PIGN: variants seen among roughly 807,000 people sequenced by gnomAD.
PIGN encodes the protein phosphatidylinositol glycan anchor biosynthesis class N, also known as GPI ethanolamine phosphate transferase 1.
PIGN carries 117 observed loss-of-function variants against 125.4 expected under a neutral mutation model. The ratio of observed to expected loss-of-function variants is 0.93; its 90% CI spans 0.80 to 1.09. The LOEUF is 1.09. Among genes scored for constraint, PIGN ranks in the 50% least tolerant of loss-of-function variants. The pLI, the probability that PIGN is intolerant of heterozygous loss-of-function variation, is 0.00. For missense variants in PIGN, 1,075 were observed against 1,094.9 expected, an observed-to-expected ratio of 0.98 and a Z score of 0.26; for synonymous variants, 392 against 377.8, an observed-to-expected ratio of 1.04 and a Z score of -0.44.
rs574933883 is a variant in PIGN, at chr18:62,083,569, C to T, written c.2503-823G>A. Among the ~76,000 whole-genome samples the T allele has an allele frequency of 2.3e-3, 350 of 152,238 alleles. 5 individuals carry two copies. Among genetic ancestry groups the T allele is most frequent in the South Asian group, 0.011 (55 of 4,830 alleles). Reference sequence around the variant, plus strand: ...TGTATTATGTCATTAAAGCTTACTGCATTGTGCTGGAGATTAAGAACCTAG... The same window carrying T: ...TGTATTATGTCATTAAAGCTTACTGTATTGTGCTGGAGATTAAGAACCTAG... On this transcript the variant is annotated intron_variant, in intron 27 of 30. Coordinates refer to ENST00000640252, the MANE Select transcript of PIGN (RefSeq NM_176787.5).
At chr18:62,132,135 G>A (rs2035762857) in intron 14 of PIGN, among the ~76,000 whole-genome samples, 1 of 152,156 alleles carries the variant, frequency 6.6e-6, no homozygotes, top group East Asian at 1.9e-4. Flanking sequence ...TATGTTTATA[G>A]GCCCACATTT....
chr18:62,071,745 C>A (rs2032859509), intron 30 of PIGN, among the ~76,000 whole-genome samples: 1 of 151,520 alleles, frequency 6.6e-6, no homozygotes, highest in African/African-American at 2.4e-5. Context: ...CTATAAAAGT[C>A]TGGCACACAC....
At chr18:62,110,180 A>G (rs1364833398) in intron 16 of PIGN, 3 of 429,940 alleles carry the variant, frequency 7.0e-6, no homozygotes, top group Non-Finnish European at 1.2e-5. Flanking sequence ...ATAACCTGGA[A>G]TTGCTGCAAT....
At chr18:62,028,129 C>T (rs1395713335) in intron 23 of PIGN, among the ~76,000 whole-genome samples, 1 of 152,186 alleles carries the variant, frequency 6.6e-6, no homozygotes, top group Admixed American at 6.5e-5. Flanking sequence ...CCACTTCCAG[C>T]TCTTTCCCCT....
At chr18:62,078,880 A>G (rs1202635627) in intron 28 of PIGN, among the ~76,000 whole-genome samples, 2 of 152,164 alleles carry the variant, frequency 1.3e-5, no homozygotes, top group Non-Finnish European at 2.9e-5. Context: ...AAGACCCTTA[A>G]TTGATCTCCC....
intron 30 of PIGN, among the ~76,000 whole-genome samples, chr18:62,056,256 G>C (rs1038493344): frequency 1.3e-5 from 2 of 151,540 alleles, no homozygotes; most frequent in African/African-American, 4.8e-5. Context: ...TGTAATACGG[G>C]CATTAGAATC....
intron 16 of PIGN, among the ~76,000 whole-genome samples, chr18:62,110,679 G>A (rs984637129): frequency 3.3e-5 from 5 of 151,968 alleles, no homozygotes; most frequent in African/African-American, 9.7e-5. Context: ...TCCTGCTGGC[G>A]AGTTCAGTCT....
At chr18:62,143,383 G>C in intron 10 of PIGN, 37 bp from the exon 11 acceptor site, 1 of 1,304,674 alleles carries the variant, frequency 7.7e-7, no homozygotes, top group Non-Finnish European at 1.1e-6. Flanking sequence ...CTGATGTTAA[G>C]ATTTAAAAAA....
intron 8 of PIGN, among the ~76,000 whole-genome samples, chr18:62,147,703 G>T (rs1042746313): frequency 6.6e-6 from 1 of 152,074 alleles, no homozygotes; most frequent in Non-Finnish European, 1.5e-5. Flanking sequence ...GTATAACATG[G>T]TATCTTCCTT....
chr18:62,125,787 C>T (rs754657611), intron 14 of PIGN, among the ~76,000 whole-genome samples: 1 of 151,892 alleles, frequency 6.6e-6, no homozygotes, highest in Non-Finnish European at 1.5e-5. Context: ...TACGAAAAAA[C>T]TTTTTTAAGT....
chr18:62,151,684 C>T (rs2036541190), intron 7 of PIGN, among the ~76,000 whole-genome samples: 1 of 152,148 alleles, frequency 6.6e-6, no homozygotes, highest in African/African-American at 2.4e-5. Flanking sequence ...CCTTTCTTTC[C>T]CGTTCTAAAG....
intron 30 of PIGN, among the ~76,000 whole-genome samples, chr18:62,055,181 G>GA (rs918354367): frequency 6.6e-6 from 1 of 152,136 alleles, no homozygotes; most frequent in Non-Finnish European, 1.5e-5. Context: ...ATGCCAGAGG[G>GA]AAAAAACTGT....
At chr18:62,112,607 A>C (rs562313561) in intron 16 of PIGN, 2 of 152,334 alleles carry the variant, frequency 1.3e-5, no homozygotes, top group Non-Finnish European at 2.9e-5. Context: ...AAATTCTTAA[A>C]ATAAGAATAC....
chr18:62,071,844 T>C (rs2032867261), intron 30 of PIGN, among the ~76,000 whole-genome samples: 1 of 140,400 alleles, frequency 7.1e-6, no homozygotes, highest in Non-Finnish European at 1.5e-5. Flanking sequence ...TCATCGTTTT[T>C]TAGACTGTAC....
intron 28 of PIGN, among the ~76,000 whole-genome samples, chr18:62,078,823 A>C (rs1454528539): frequency 6.6e-6 from 1 of 152,204 alleles, no homozygotes; most frequent in African/African-American, 2.4e-5. Flanking sequence ...AATTGATAAT[A>C]AATATTACTT....
chr18:62,056,056 A>T, intron 30 of PIGN, among the ~76,000 whole-genome samples: 1 of 132,500 alleles, frequency 7.5e-6, no homozygotes, highest in African/African-American at 2.8e-5. Context: ...TTTGCCACTA[A>T]AAAAAAAAAA....
In PIGN at chr18:62,147,053, G is replaced by C. The variant is rs541513176; in HGVS notation, c.723C>G (p.Ile241Met). 2 of 1,608,930 alleles carry C rather than the reference G, an allele frequency of 1.2e-6. No homozygotes were observed. Among genetic ancestry groups the C allele is most frequent in the Admixed American group, 3.3e-5 (2 of 59,814 alleles). Residue 241 changes from isoleucine (I) to methionine (M), a missense_variant, in exon 9 of 31, where the codon ATC becomes ATG. Around this residue, in one of 3 missense-constraint regions of PIGN, gnomAD observed 915 missense variants for 908.7 expected, o/e 1.01. Transcript: ENST00000640252. ...IKKVDDGVKE[I>M]VSMFNHFYGN... ...CATAGAAGTGGTTAAACATAGACAC[G>C]ATTTCTTTAACTCCATCATCAACTT...
downstream of PIGN, among the ~76,000 whole-genome samples, chr18:62,037,586 C>T (rs1169833424): frequency 6.6e-6 from 1 of 152,212 alleles, no homozygotes; most frequent in African/African-American, 2.4e-5. Context: ...CTGAGGGCAG[C>T]GGGTCCATGC....
At chr18:62,030,822 A>G (rs1199321874) in intron 23 of PIGN, among the ~76,000 whole-genome samples, 1 of 152,160 alleles carries the variant, frequency 6.6e-6, no homozygotes, top group African/African-American at 2.4e-5. Context: ...ACTAACTTAT[A>G]TATGACTCTT....
Sources: gnomAD v4.1 joint callset for allele counts (sites outside exome capture counted in the v4.1 genomes callset) on GRCh38, gnomAD v4.1.1 for gene constraint, gnomAD v4.1.1 regional missense constraint, MANE v1.5 for transcripts, NCBI Gene and HGNC (gene_info 2026-07-23, HGNC 2026-07-21) for gene names.